The following BICD1 variants were observed in gnomAD, a reference collection of about 807,000 sequenced individuals.
BICD1 encodes BICD cargo adaptor 1, also known as protein bicaudal D homolog 1.
BICD1 carries 35 observed loss-of-function variants against 92.5 expected under a neutral mutation model. The ratio of observed to expected loss-of-function variants is 0.38; its 90% confidence interval spans 0.29 to 0.50. The LOEUF is 0.50. Ranked by LOEUF, BICD1 falls within the 20% of genes least tolerant of loss-of-function variation. The pLI is 0.93. For missense variants in BICD1, 950 were observed against 1,189.8 expected, an observed-to-expected ratio of 0.80 and a Z score of 2.97; for synonymous variants, 429 against 465.1, an observed-to-expected ratio of 0.92 and a Z score of 1.00.
In BICD1 at chr12:32,305,809, T is replaced by C. The variant is rs766781409; in HGVS notation, c.692T>C (p.Leu231Pro). ...IRLKEIAEHQLEEALETLKNE... is the reference protein window; with the variant it reads ...IRLKEIAEHQPEEALETLKNE... ...TTGAAAGAGATTGCTGAGCACCAAC[T>C]GGAAGAAGCCCTCGAGACTTTAAAA... Residue 231 changes from leucine (L) to proline (P), a missense_variant, in exon 4 of 10, where the codon CTG becomes CCG. This residue lies in a region of BICD1 where 246 missense variants were observed against 258.4 expected (regional missense o/e 0.95). Coordinates refer to ENST00000652176, the MANE Select transcript of BICD1 (RefSeq NM_001714.4). The C allele has an allele frequency of 6.2e-7, 1 of 1,614,172 alleles. No homozygotes were observed.
intron 2 of BICD1, among the ~76,000 whole-genome samples, chr12:32,278,732 T>C (rs1220674655): frequency 6.6e-6 from 1 of 152,114 alleles, no homozygotes; most frequent in Non-Finnish European, 1.5e-5. Flanking sequence ...GGCGGGCGCC[T>C]GTAGTCCCAG....
intron 2 of BICD1, among the ~76,000 whole-genome samples, chr12:32,255,170 G>A (rs1332762925): frequency 1.3e-5 from 2 of 152,072 alleles, no homozygotes. Context: ...TGCTTGCATG[G>A]AGAGAAAGAG....
intron 2 of BICD1, among the ~76,000 whole-genome samples, chr12:32,246,029 CAAAAAAAAAAAA>C (rs71068311): frequency 2.3e-5 from 1 of 44,094 alleles, no homozygotes; most frequent in Non-Finnish European, 3.7e-5. Context: ...TACTCTGTCT[CAAAAAAAAAAAA>C]AAAAAAAAAA....
intron 1 of BICD1, among the ~76,000 whole-genome samples, chr12:32,206,234 T>TA (rs1945052414): frequency 6.6e-6 from 1 of 152,216 alleles, no homozygotes; most frequent in Non-Finnish European, 1.5e-5. Context: ...TTGGATTGCA[T>TA]GGTAGGAATA....
chr12:32,262,202 G>A (rs1282660955), intron 2 of BICD1, among the ~76,000 whole-genome samples: 1 of 152,174 alleles, frequency 6.6e-6, no homozygotes, highest in Non-Finnish European at 1.5e-5. Flanking sequence ...CCATTGCCTT[G>A]ACATTGGCTT....
intron 2 of BICD1, among the ~76,000 whole-genome samples, chr12:32,284,503 G>A (rs1947509544): frequency 6.6e-6 from 1 of 152,074 alleles, no homozygotes; most frequent in Non-Finnish European, 1.5e-5. Flanking sequence ...CATTCTAACT[G>A]AGATGTTCCC....
At chr12:32,128,748 T>C (rs1409563021) in intron 1 of BICD1, among the ~76,000 whole-genome samples, 2 of 136,814 alleles carry the variant, frequency 1.5e-5, no homozygotes, top group Admixed American at 1.7e-4. Context: ...ATTGTTACTT[T>C]AGAATCTTTT....
chr12:32,295,777 C>G (rs1239581), intron 3 of BICD1, among the ~76,000 whole-genome samples: 49,966 of 151,332 alleles, frequency 0.33, 8,791 homozygotes, highest in Non-Finnish European at 0.41. Flanking sequence ...CTCAGCCTCC[C>G]GAGTAGCTGG....
intron 1 of BICD1, among the ~76,000 whole-genome samples, chr12:32,208,811 TTTTC>T (rs1945133248): frequency 1.3e-5 from 2 of 151,910 alleles, no homozygotes; most frequent in Admixed American, 1.3e-4. Flanking sequence ...GGGCTCAGTG[TTTTC>T]TTTCTTTTTA....
intron 1 of BICD1, among the ~76,000 whole-genome samples, chr12:32,181,292 C>T (rs533814638): frequency 2.0e-5 from 3 of 151,546 alleles, no homozygotes; most frequent in Non-Finnish European, 2.9e-5. Context: ...TGGTGGCATG[C>T]GCCTGTAATC....
intron 1 of BICD1, among the ~76,000 whole-genome samples, chr12:32,207,884 G>A (rs1225516259): frequency 2.0e-5 from 3 of 152,164 alleles, no homozygotes; most frequent in Non-Finnish European, 4.4e-5. Context: ...TCACAAATGA[G>A]TAGGGAGCTG....
At chr12:32,144,131 T>C (rs556864549) in intron 1 of BICD1, among the ~76,000 whole-genome samples, 1 of 152,348 alleles carries the variant, frequency 6.6e-6, no homozygotes, top group South Asian at 2.1e-4. Flanking sequence ...TGTAATTGAA[T>C]TTATTAATTT....
intron 1 of BICD1, among the ~76,000 whole-genome samples, chr12:32,190,798 T>C (rs537234054): frequency 6.6e-6 from 1 of 152,332 alleles, no homozygotes; most frequent in Non-Finnish European, 1.5e-5. Context: ...AATACACGTT[T>C]TTCTCAAGGA....
At chr12:32,116,498 C>CTATA (rs1565525031) in intron 1 of BICD1, among the ~76,000 whole-genome samples, 19 of 70,662 alleles carry the variant, frequency 2.7e-4, no homozygotes, top group Middle Eastern at 6.3e-3. Flanking sequence ...CTCTTTCTCT[C>CTATA]TCTCTCTCTC....
chr12:32,152,144 A>C (rs536806366), intron 1 of BICD1, among the ~76,000 whole-genome samples: 15 of 151,656 alleles, frequency 9.9e-5, no homozygotes, highest in African/African-American at 1.5e-4. Flanking sequence ...TTTAGTAGAG[A>C]TGGGGTTTCG....
chr12:32,217,255 A>G (rs1328407850), intron 2 of BICD1, among the ~76,000 whole-genome samples: 1 of 152,182 alleles, frequency 6.6e-6, no homozygotes, highest in Non-Finnish European at 1.5e-5. Flanking sequence ...TAACTCCTAC[A>G]CCAATGCAGT....
intron 1 of BICD1, among the ~76,000 whole-genome samples, chr12:32,112,829 T>C (rs1219784882): frequency 6.6e-6 from 1 of 152,200 alleles, no homozygotes; most frequent in Non-Finnish European, 1.5e-5. Flanking sequence ...ACTGCTCATT[T>C]TTACTGATAA....
At chr12:32,325,813 G>A (rs574271816) in intron 4 of BICD1, among the ~76,000 whole-genome samples, 4 of 152,122 alleles carry the variant, frequency 2.6e-5, no homozygotes, top group South Asian at 4.2e-4. Context: ...GGTGGCTCAC[G>A]CCTATAATCT....
intron 1 of BICD1, among the ~76,000 whole-genome samples, chr12:32,194,833 G>T (rs982494904): frequency 6.6e-6 from 1 of 152,118 alleles, no homozygotes; most frequent in African/African-American, 2.4e-5. Context: ...GGTGAGCCGA[G>T]ATCATGCCAT....
Sources: allele counts gnomAD v4.1 joint callset (sites outside exome capture counted in the v4.1 genomes callset), GRCh38; gene constraint gnomAD v4.1.1; regional missense constraint gnomAD v4.1.1; transcripts MANE v1.5; gene names NCBI Gene and HGNC (gene_info 2026-07-23, HGNC 2026-07-21).